The following ERBB4 variants were observed in gnomAD, a reference collection of about 807,000 sequenced individuals.
The protein encoded by ERBB4 is receptor tyrosine-protein kinase erbB-4.
Under a neutral mutation model 158.0 loss-of-function variants are expected in ERBB4, and 42 were observed. The observed-to-expected ratio is 0.27, with a 90% CI of 0.21 to 0.34. The LOEUF is 0.34. Among genes scored for constraint, ERBB4 ranks in the 10% least tolerant of loss-of-function variants. The probability of loss-of-function intolerance (pLI) is 1.00; values close to 1 mark genes in which losing one functional copy is unlikely to be tolerated. For missense variants in ERBB4, 1,333 were observed against 1,624.1 expected, an observed-to-expected ratio of 0.82 and a Z score of 3.08; for synonymous variants, 583 against 558.7, an observed-to-expected ratio of 1.04 and a Z score of -0.61.
chr2:211,994,543 A>G (rs951594956), intron 2 of ERBB4, among the ~76,000 whole-genome samples: 4 of 152,298 alleles, frequency 2.6e-5, no homozygotes, highest in African/African-American at 9.6e-5. Flanking sequence ...TTGATTTTTT[A>G]TATTTACCTT....
chr2:212,243,473 T>G (rs1394824358), intron 1 of ERBB4, among the ~76,000 whole-genome samples: 1 of 152,190 alleles, frequency 6.6e-6, no homozygotes, highest in Non-Finnish European at 1.5e-5. Flanking sequence ...TATCTGTAAA[T>G]TTTTAGCTTT....
intron 1 of ERBB4, among the ~76,000 whole-genome samples, chr2:212,286,906 C>T (rs1197146733): frequency 6.6e-6 from 1 of 151,178 alleles, no homozygotes; most frequent in Admixed American, 6.6e-5. Flanking sequence ...CCACCGTGCA[C>T]AGCCAGTGAC....
intron 16 of ERBB4, among the ~76,000 whole-genome samples, chr2:211,654,455 T>C (rs970050531): frequency 1.1e-4 from 16 of 152,208 alleles, no homozygotes; most frequent in Non-Finnish European, 5.9e-5. Context: ...TACTTAGAAG[T>C]TTGGTATAAC....
At chr2:212,532,895 A>T (rs564771138) in intron 1 of ERBB4, among the ~76,000 whole-genome samples, 1 of 152,342 alleles carries the variant, frequency 6.6e-6, no homozygotes, top group South Asian at 2.1e-4. Flanking sequence ...TTAACAAAAC[A>T]TCCACATATT....
At chr2:211,675,044 C>A (rs951889861) in intron 13 of ERBB4, among the ~76,000 whole-genome samples, 1 of 152,116 alleles carries the variant, frequency 6.6e-6, no homozygotes, top group Non-Finnish European at 1.5e-5. Context: ...CAGAAAAGAT[C>A]CTCCTGGCAA....
At chr2:212,364,800 T>C (rs1033752532) in intron 1 of ERBB4, among the ~76,000 whole-genome samples, 12 of 151,710 alleles carry the variant, frequency 7.9e-5, no homozygotes, top group Non-Finnish European at 1.5e-5. Flanking sequence ...ATTTTATGCA[T>C]GCCAGTACAC....
chr2:212,081,992 T>C (rs1285441837), intron 2 of ERBB4, among the ~76,000 whole-genome samples: 1 of 152,136 alleles, frequency 6.6e-6, no homozygotes, highest in Non-Finnish European at 1.5e-5. Context: ...TATTATTGTC[T>C]AGCAAAGTTT....
chr2:212,445,631 G>A (rs1325855670), intron 1 of ERBB4, among the ~76,000 whole-genome samples: 1 of 152,204 alleles, frequency 6.6e-6, no homozygotes, highest in Non-Finnish European at 1.5e-5. Flanking sequence ...GAATACAGGA[G>A]ATCCATTAGG....
intron 20 of ERBB4, among the ~76,000 whole-genome samples, chr2:211,456,928 G>A (rs2064397557): frequency 6.6e-6 from 1 of 152,156 alleles, no homozygotes; most frequent in Non-Finnish European, 1.5e-5. Flanking sequence ...TGGTCCTGGG[G>A]TTGGGGACCC....
Position 211,382,386 on chromosome 2 carries a change from T to A in ERBB4, c.*1229A>T. ...TACCGTTGCAAGGTTCCTAATTTGC[T>A]TGGTTTGGCATTTCCACAGTCTTTA... is the stretch of plus-strand genomic sequence containing the variant. On this transcript the variant is annotated 3_prime_UTR_variant, in exon 28 of 28. Transcript: ENST00000342788. 4.3e-6 allele frequency: 1 copy of A among 232,660 alleles called. No homozygotes were observed. Among genetic ancestry groups the A allele is most frequent in the Non-Finnish European group, 8.5e-6 (1 of 117,522 alleles). The allele number at this position is 232,660 out of a possible 1,614,324, so 14.4% of individuals were successfully genotyped here. A position where few individuals can be genotyped will look rare whatever the true frequency, so the allele number is the denominator to read the frequency against.
intron 2 of ERBB4, among the ~76,000 whole-genome samples, chr2:212,059,738 A>C (rs1211478700): frequency 2.6e-5 from 4 of 152,168 alleles, no homozygotes; most frequent in South Asian, 2.1e-4. Flanking sequence ...TGGCTAGCCA[A>C]GTGTAGAAAG....
intron 20 of ERBB4, among the ~76,000 whole-genome samples, chr2:211,551,790 T>C (rs1366603961): frequency 6.6e-6 from 1 of 152,208 alleles, no homozygotes; most frequent in Non-Finnish European, 1.5e-5. Context: ...GACATTCATA[T>C]TTGAATTTAA....
intron 16 of ERBB4, among the ~76,000 whole-genome samples, chr2:211,648,481 A>G (rs923678352): frequency 2.0e-5 from 3 of 151,818 alleles, no homozygotes; most frequent in African/African-American, 7.2e-5. Context: ...TCAGTATCTT[A>G]GCCAACATTT....
chr2:212,161,334 G>A (rs2081196516), intron 1 of ERBB4, among the ~76,000 whole-genome samples: 1 of 151,768 alleles, frequency 6.6e-6, no homozygotes, highest in South Asian at 2.1e-4. Context: ...AACTTTACTA[G>A]AAATTATTAC....
intron 1 of ERBB4, among the ~76,000 whole-genome samples, chr2:212,283,036 G>A (rs1280294632): frequency 1.3e-5 from 2 of 151,586 alleles, no homozygotes; most frequent in Non-Finnish European, 2.9e-5. Flanking sequence ...CTATTTCCAT[G>A]GCAGGGACAA....
chr2:212,354,199 T>C (rs546278060), intron 1 of ERBB4, among the ~76,000 whole-genome samples: 2 of 152,204 alleles, frequency 1.3e-5, no homozygotes, highest in East Asian at 3.9e-4. Flanking sequence ...ATAATTATTG[T>C]ATAAGTGAGG....
chr2:211,844,207 A>G (rs1264566367), intron 3 of ERBB4, among the ~76,000 whole-genome samples: 2 of 152,150 alleles, frequency 1.3e-5, no homozygotes, highest in African/African-American at 4.8e-5. Flanking sequence ...TAATCACAAT[A>G]GTTATTTTAT....
chr2:211,386,071 G>A (rs1326065885), intron 27 of ERBB4, among the ~76,000 whole-genome samples: 1 of 152,110 alleles, frequency 6.6e-6, no homozygotes, highest in Non-Finnish European at 1.5e-5. Context: ...TTAAAATGTA[G>A]TTTACTGTTG....
At chr2:211,415,102 A>ATTTTTTTTTTT (rs1395575088) in intron 25 of ERBB4, among the ~76,000 whole-genome samples, 1 of 81,014 alleles carries the variant, frequency 1.2e-5, no homozygotes, top group Non-Finnish European at 2.7e-5. Context: ...TGAAACTTAC[A>ATTTTTTTTTTT]TTTTCTTTTT....
Sources: allele counts gnomAD v4.1 joint callset (sites outside exome capture counted in the v4.1 genomes callset), GRCh38; gene constraint gnomAD v4.1.1; transcripts MANE v1.5; gene names NCBI Gene and HGNC (gene_info 2026-07-23, HGNC 2026-07-21).